IQSEC3: variants seen among roughly 807,000 people sequenced by gnomAD.
The protein encoded by IQSEC3 is IQ motif and SEC7 domain-containing protein 3.
A neutral mutation model predicts 105.4 loss-of-function variants in IQSEC3; 50 were observed. The observed-to-expected ratio is 0.47, with a 90% confidence interval of 0.38 to 0.60. IQSEC3 has a LOEUF of 0.60. Ranked by LOEUF, IQSEC3 falls within the 20% of genes least tolerant of loss-of-function variation. The probability of loss-of-function intolerance (pLI) is 0.00; values close to 1 mark genes in which losing one functional copy is unlikely to be tolerated. For missense variants in IQSEC3, 1,415 were observed against 1,630.0 expected, an observed-to-expected ratio of 0.87 and a Z score of 2.27; for synonymous variants, 708 against 746.0, an observed-to-expected ratio of 0.95 and a Z score of 0.83.
At chr12:78,734 A>G (rs2136878431) in intron 1 of IQSEC3, among the ~76,000 whole-genome samples, 1 of 152,252 alleles carries the variant, frequency 6.6e-6, no homozygotes, top group South Asian at 2.1e-4. Context: ...TCGTAAAATA[A>G]GGAATACGAA....
In IQSEC3 at chr12:125,931, G is replaced by A. The variant is rs782208703; in HGVS notation, c.903+19G>A. ...TAAACAGGTACCCAGGGCCTCCTAG[G>A]GGGGCGGGGAGGGTGGTGAAGGGGC... is the stretch of plus-strand genomic sequence containing the variant. On this transcript the variant is annotated intron_variant, in intron 3 of 13. Transcript: ENST00000538872. 226 of 1,528,356 alleles carry A rather than the reference G, an allele frequency of 1.5e-4. No homozygotes were observed. The highest frequency in any genetic ancestry group is 1.8e-4 in the Non-Finnish European group (207 of 1,144,610). 94.7% of individuals were successfully genotyped at this position (1,528,356 alleles called of 1,614,324 possible).
At position 125,722 on chromosome 12, in the gene IQSEC3, C is replaced by G; in HGVS notation, c.713C>G (p.Ala238Gly). 4 of 1,531,360 alleles carry G rather than the reference C, an allele frequency of 2.6e-6. No homozygotes were observed. The highest frequency in any genetic ancestry group is 3.5e-6 in the Non-Finnish European group (4 of 1,149,114). 94.9% of individuals were successfully genotyped at this position (1,531,360 alleles called of 1,614,324 possible). ...GCAGCCGGCAGACCCAGTGCCCATG[C>G]CCCGAAGGCTCAAGCCCAGGAGCTG... is the stretch of plus-strand genomic sequence containing the variant. ...AVAAGRPSAH[A>G]PKAQAQELQE... The change falls in exon 3 of 14, where the codon GCC becomes GGC. Residue 238 changes from alanine (A) to glycine (G), a missense_variant. Transcript: ENST00000538872.
chr12:70,300 G>T (rs1555067152), intron 1 of IQSEC3, among the ~76,000 whole-genome samples: 1 of 152,224 alleles, frequency 6.6e-6, no homozygotes, highest in Admixed American at 6.5e-5. Flanking sequence ...TCATTTAATT[G>T]CCATCTTATC....
chr12:165,927 T>C (rs1456735892), intron 11 of IQSEC3, 37 bp downstream of exon 11: 22 of 1,603,148 alleles, frequency 1.4e-5, no homozygotes, highest in Admixed American at 1.3e-4. Context: ...TGGTGGGGGT[T>C]CCCATTCAGC....
chr12:68,500 A>G (rs1217885336), intron 1 of IQSEC3, among the ~76,000 whole-genome samples: 10 of 152,204 alleles, frequency 6.6e-5, no homozygotes, highest in Non-Finnish European at 1.2e-4. Flanking sequence ...ATATGGGAAG[A>G]AGATATGAAA....
At position 139,182 on chromosome 12, in the gene IQSEC3, G is replaced by T; in HGVS notation, c.1819G>T (p.Ala607Ser). Reference protein sequence around the residue: ...LSSSSTSTKSAKSGSEASASA... With the variant: ...LSSSSTSTKSSKSGSEASASA... ...CAGCAGCAGCACGTCCACCAAGTCC[G>T]CCAAGTCAGGCTCGGAGGCGTCGGC... is the stretch of plus-strand genomic sequence containing the variant. The change falls in exon 4 of 14, where the codon GCC (alanine) becomes TCC (serine). Residue 607 changes from alanine to serine, a missense_variant. This residue lies in a region of IQSEC3 where 720 missense variants were observed against 633.0 expected (regional missense o/e 1.14). Transcript: ENST00000538872. The T allele has an allele frequency of 6.3e-7, 1 of 1,587,652 alleles. No individual in the cohort carries two copies. Among genetic ancestry groups the T allele is most frequent in the Non-Finnish European group, 8.6e-7 (1 of 1,168,804 alleles).
chr12:144,506 C>T (rs1329746144), intron 5 of IQSEC3: 3 of 152,114 alleles, frequency 2.0e-5, no homozygotes, highest in Non-Finnish European at 4.4e-5. Context: ...AAGAAGCAGC[C>T]GATGAGGAAG....
At chr12:158,944 C>A (rs1555095352) in intron 7 of IQSEC3, among the ~76,000 whole-genome samples, 1 of 152,230 alleles carries the variant, frequency 6.6e-6, no homozygotes, top group Non-Finnish European at 1.5e-5. Flanking sequence ...CAGGCATGAG[C>A]CACCACGCCT....
chr12:124,206 G>A (rs1454226959), intron 2 of IQSEC3, among the ~76,000 whole-genome samples: 1 of 151,952 alleles, frequency 6.6e-6, no homozygotes, highest in Non-Finnish European at 1.5e-5. Context: ...GGCTGACATG[G>A]TGAAACCCTG....
intron 5 of IQSEC3, among the ~76,000 whole-genome samples, chr12:143,012 A>T (rs782068607): frequency 6.6e-6 from 1 of 152,100 alleles, no homozygotes; most frequent in Non-Finnish European, 1.5e-5. Context: ...CCCAGTCTCC[A>T]TGTGGCCTGC....
chr12:131,300 G>A (rs967835806), intron 3 of IQSEC3, among the ~76,000 whole-genome samples: 1 of 152,202 alleles, frequency 6.6e-6, no homozygotes, highest in East Asian at 1.9e-4. Context: ...GGGTTTAGAG[G>A]GAAGTGAGCA....
chr12:175,428 G>A lies in IQSEC3; in HGVS notation c.*395G>A, dbSNP rs114482545. On this transcript the variant is annotated 3_prime_UTR_variant, in exon 14 of 14. Coordinates refer to ENST00000538872, the MANE Select transcript of IQSEC3 (RefSeq NM_001170738.2). ...TTGGGCAGCAGCATGAGGCTGGGCC[G>A]GCCGGCAGTGGAGCACTAGACAGAG... is the stretch of plus-strand genomic sequence containing the variant. 1,448 of 189,326 alleles carry A rather than the reference G, an allele frequency of 7.6e-3. 28 individuals carry two copies. Among genetic ancestry groups the A allele is most frequent in the African/African-American group, 0.03 (1,271 of 42,688 alleles). 11.7% of individuals were successfully genotyped at this position (189,326 alleles called of 1,614,324 possible).
Position 88,793 on chromosome 12 carries a change from A to G in IQSEC3, c.555-10353A>G, listed in dbSNP as rs117825265. On this transcript the variant is annotated intron_variant, in intron 1 of 13. Coordinates refer to ENST00000538872, the MANE Select transcript of IQSEC3 (RefSeq NM_001170738.2). ...CCACAGCCCCCAGGCCTGCAGAAGA[A>G]AATAGGGACCAGAAAGAAGGAAGTC... Among the ~76,000 whole-genome samples the G allele has an allele frequency of 4.2e-3, 645 of 152,326 alleles. 5 individuals carry two copies. Among genetic ancestry groups the G allele is most frequent in the East Asian group, 0.027 (138 of 5,188 alleles).
rs550400686 is a variant in IQSEC3, at chr12:176,546, C to A, written c.*1513C>A. 1 of 152,292 alleles carries A rather than the reference C, an allele frequency of 6.6e-6. No individual in the cohort carries two copies. Among genetic ancestry groups the A allele is most frequent in the Non-Finnish European group, 1.5e-5 (1 of 68,068 alleles). 9.4% of individuals were successfully genotyped at this position (152,292 alleles called of 1,614,324 possible). A position where few individuals can be genotyped will look rare whatever the true frequency, so the allele number is the denominator to read the frequency against. On this transcript the variant is annotated 3_prime_UTR_variant, in exon 14 of 14. Coordinates refer to ENST00000538872, the MANE Select transcript of IQSEC3 (RefSeq NM_001170738.2). This position sits in a 1 kb window ranked among gnomAD's most constrained non-coding sequence, Gnocchi z 4.0. ...CTTGAATCTCCCCACCCCGCCCCGC[C>A]TGCAGTAGCCGGGCCAGGTAGGAGG...
rs943700622 is a variant in IQSEC3, at chr12:175,199, C to T, written c.*166C>T. 4 of 600,874 alleles carry T rather than the reference C, an allele frequency of 6.7e-6. No homozygotes were observed. The East Asian group carries it at 8.5e-5, about 13-fold the overall frequency. The allele number at this position is 600,874 out of a possible 1,614,324, so 37.2% of individuals were successfully genotyped here. A position where few individuals can be genotyped will look rare whatever the true frequency, so the allele number is the denominator to read the frequency against. On this transcript the variant is annotated 3_prime_UTR_variant, in exon 14 of 14. Coordinates refer to ENST00000538872, the MANE Select transcript of IQSEC3 (RefSeq NM_001170738.2). The stretch of plus-strand genomic sequence containing the variant: ...GGCACCTGGGTTTGCCTCATCCAAC[C>T]ATCCTTCCCTTTCTCAGCTGCACCC...
chr12:172,329 C>T (rs1204137830), intron 13 of IQSEC3, among the ~76,000 whole-genome samples: 2 of 151,792 alleles, frequency 1.3e-5, no homozygotes, highest in Non-Finnish European at 2.9e-5. Flanking sequence ...CTATTCCCCG[C>T]CCCCCTCCAC....
At chr12:83,218 A>G (rs1169299273) in intron 1 of IQSEC3, among the ~76,000 whole-genome samples, 2 of 152,206 alleles carry the variant, frequency 1.3e-5, no homozygotes, top group Non-Finnish European at 2.9e-5. Flanking sequence ...AGGTTCCTCA[A>G]GGGCCAGAAT....
intron 7 of IQSEC3, among the ~76,000 whole-genome samples, chr12:160,690 C>T (rs1866858233): frequency 6.6e-6 from 1 of 152,122 alleles, no homozygotes; most frequent in South Asian, 2.1e-4. Flanking sequence ...CAATTCCCAG[C>T]CCACCTTCAC....
intron 3 of IQSEC3, among the ~76,000 whole-genome samples, chr12:127,629 G>A (rs997458470): frequency 5.9e-5 from 9 of 151,958 alleles, no homozygotes; most frequent in Middle Eastern, 3.4e-3. Flanking sequence ...TCCCAGCTTC[G>A]AAAACCCCAC....
Sources: gnomAD v4.1 joint callset for allele counts (sites outside exome capture counted in the v4.1 genomes callset) on GRCh38, gnomAD v4.1.1 for gene constraint, gnomAD v4.1.1 regional missense constraint, Gnocchi (gnomAD v3.1) non-coding constraint, MANE v1.5 for transcripts, NCBI Gene and HGNC (gene_info 2026-07-23, HGNC 2026-07-21) for gene names.